The following POLE variants were observed in gnomAD, a reference collection of about 807,000 sequenced individuals.
The protein encoded by POLE is DNA polymerase epsilon catalytic subunit A.
Under a neutral mutation model 279.2 loss-of-function variants are expected in POLE, and 188 were observed. That is an observed-to-expected ratio of 0.67 (90% CI 0.60 to 0.76). The LOEUF (loss-of-function observed/expected upper bound fraction) is 0.76, where lower values mean the gene tolerates loss of function less well. Among genes scored for constraint, POLE ranks in the 30% least tolerant of loss-of-function variants. The pLI is 0.00. For synonymous variants in POLE, 1,214 were observed against 1,172.5 expected, an observed-to-expected ratio of 1.04 and a Z score of -0.72; for missense variants, 2,703 against 3,016.7, an observed-to-expected ratio of 0.90 and a Z score of 2.44.
Position 132,661,781 on chromosome 12 carries a change from C to T in POLE, c.2707-97G>A, listed in dbSNP as rs763975465. 42 of 1,256,506 alleles carry T rather than the reference C, an allele frequency of 3.3e-5. No individual in the cohort carries two copies. The highest frequency in any genetic ancestry group is 4.4e-5 in the Non-Finnish European group (40 of 899,704). The allele number at this position is 1,256,506 out of a possible 1,614,324, so 77.8% of individuals were successfully genotyped here. A position where few individuals can be genotyped will look rare whatever the true frequency, so the allele number is the denominator to read the frequency against. On this transcript the variant is annotated intron_variant, in intron 23 of 48. Coordinates refer to ENST00000320574, the MANE Select transcript of POLE (RefSeq NM_006231.4). The surrounding 1 kb of genome is among the most constrained non-coding windows in gnomAD (Gnocchi z 4.1). ...TCCAGGAGTGGATGGATTGACAAAC[C>T]GAGGCTTTTCCACATAACTAACACG...
rs2043060847 is a variant in POLE at position 132,676,653 on chromosome 12, C to G, written c.802G>C (p.Asp268His). The change falls in exon 9 of 49, where the codon GAC becomes CAC. Residue 268 changes from aspartate (D) to histidine (H), a missense_variant and splice_region_variant. By Grantham distance (81) the Asp-to-His change is moderately conservative. Transcript: ENST00000320574. ...TRRDDLVERPDPVVLAFDIET... is the reference protein window; with the variant it reads ...TRRDDLVERPHPVVLAFDIET... The stretch of plus-strand genomic sequence containing the variant: ...ATGTCAAATGCCAAAACCACAGGGT[C>G]CTGTGGGGACAAAATAAGCATAAAG... 2 of 1,602,358 alleles carry G rather than the reference C, an allele frequency of 1.2e-6. No individual in the cohort carries two copies. Among genetic ancestry groups the G allele is most frequent in the Non-Finnish European group, 1.7e-6 (2 of 1,169,432 alleles).
Position 132,642,190 on chromosome 12 carries a change from G to T in POLE, c.5160C>A (p.Gly1720=). The change falls in exon 38 of 49, where the codon GGC becomes GGA. Residue 1720 remains glycine, a synonymous_variant. Coordinates refer to ENST00000320574, the MANE Select transcript of POLE (RefSeq NM_006231.4). Reference sequence around the variant, plus strand: ...CCGCCCACTTACCTGTGGAGTAACAGCCTGAACTGTTGATCTCAACAGTGG... The same window carrying T: ...CCGCCCACTTACCTGTGGAGTAACATCCTGAACTGTTGATCTCAACAGTGG... ...DQATVEINSS[G]CYSTVCVELD... The T allele has an allele frequency of 5.7e-6, 9 of 1,579,720 alleles. No individual in the cohort carries two copies. The highest frequency in any genetic ancestry group is 7.7e-6 in the Non-Finnish European group (9 of 1,163,938).
At chr12:132,686,495 A>T (rs910468032) in intron 1 of POLE, among the ~76,000 whole-genome samples, 1 of 151,768 alleles carries the variant, frequency 6.6e-6, no homozygotes, top group Non-Finnish European at 1.5e-5. Flanking sequence ...AGCACTTTGG[A>T]AGGCCGAGGC....
rs1265838410 is a variant in POLE at position 132,625,710 on chromosome 12, C to G, written c.6592G>C (p.Ala2198Pro). ...SNCQAPYDSS[A>P]IEMTLVEVLQ... ...ACTTCCACCAGCGTCATCTCGATGG[C>G]AGAGGAGTCGTAGGGCGCCTGACAG... Residue 2198 changes from alanine to proline, a missense_variant, in exon 47 of 49, where the codon GCC becomes CCC. Ala to Pro is a conservative substitution (Grantham distance 27, BLOSUM62 -1). Coordinates refer to ENST00000320574, the MANE Select transcript of POLE (RefSeq NM_006231.4). 1 of 1,613,652 alleles carries G rather than the reference C, an allele frequency of 6.2e-7. No individual in the cohort carries two copies. The highest frequency in any genetic ancestry group is 1.3e-5 in the African/African-American group (1 of 75,064).
intron 45 of POLE, among the ~76,000 whole-genome samples, chr12:132,631,341 CTGA>C (rs1382264512): frequency 6.6e-6 from 1 of 152,164 alleles, no homozygotes; most frequent in Non-Finnish European, 1.5e-5. Flanking sequence ...CTGTATCCTG[CTGA>C]TGATGATGCA....
rs746839543 is a variant in POLE, at chr12:132,636,047, G to A, written c.5679-23C>T. Reference sequence around the variant, plus strand: ...ATGCTGCAGAGGAAGCATTGAAGACGCTGCTTCAGTGAAATCGACCTTGTT... The same window carrying A: ...ATGCTGCAGAGGAAGCATTGAAGACACTGCTTCAGTGAAATCGACCTTGTT... On this transcript the variant is annotated intron_variant, in intron 41 of 48. Coordinates refer to ENST00000320574, the MANE Select transcript of POLE (RefSeq NM_006231.4). 12 of 1,602,874 alleles carry A rather than the reference G, an allele frequency of 7.5e-6. No homozygotes were observed. In the Admixed American group the frequency reaches 1.4e-4, roughly 18 times the overall value.
chr12:132,670,169 G>A (rs1314476872), intron 16 of POLE, among the ~76,000 whole-genome samples: 6 of 151,710 alleles, frequency 4.0e-5, no homozygotes, highest in Non-Finnish European at 8.8e-5. Context: ...TCGGGAGTTC[G>A]AGACCAGCCT....
At position 132,648,626 on chromosome 12, in the gene POLE, TAAC is replaced by T. The variant is rs5744910; in HGVS notation, c.4149+300_4149+302del. On this transcript the variant is annotated intron_variant, in intron 32 of 48. Transcript: ENST00000320574. ...TAACTTTACATCCCAATAAAGCTGT[TAAC>T]AACCAAAGAGCCTACGGAGACAGAG... 5,362 of 287,218 alleles carry T rather than the reference TAAC, an allele frequency of 0.019. 84 individuals carry two copies. The highest frequency in any genetic ancestry group is 0.065 in the Middle Eastern group (64 of 986). The allele number at this position is 287,218 out of a possible 1,614,324, so 17.8% of individuals were successfully genotyped here. A position where few individuals can be genotyped will look rare whatever the true frequency, so the allele number is the denominator to read the frequency against.
rs765634213 is a variant in POLE at position 132,663,992 on chromosome 12, C to T, written c.2706+12G>A. On this transcript the variant is annotated intron_variant, in intron 23 of 48. Transcript: ENST00000320574. Reference sequence around the variant, plus strand: ...CCAGCCAGAGCTTCAGGACCAGAGGCCCCAGACTCACCTTGACCATGATGT... The same window carrying T: ...CCAGCCAGAGCTTCAGGACCAGAGGTCCCAGACTCACCTTGACCATGATGT... 6.2e-7 allele frequency: 1 copy of T among 1,613,548 alleles called. No homozygotes were observed. The highest frequency in any genetic ancestry group is 8.5e-7 in the Non-Finnish European group (1 of 1,179,956).
At position 132,623,884 on chromosome 12, in the gene POLE, G is replaced by A. The variant is rs1371141650; in HGVS notation, c.*813C>T. On this transcript the variant is annotated 3_prime_UTR_variant, in exon 49 of 49. Coordinates refer to ENST00000320574, the MANE Select transcript of POLE (RefSeq NM_006231.4). The stretch of plus-strand genomic sequence containing the variant: ...GACACGAGCCTCCTGGGGAGCCTGT[G>A]GGGCCCCCTCCCTCCTGTGAGGCTC... The A allele has an allele frequency of 1.0e-5, 2 of 193,198 alleles. No homozygotes were observed. The highest frequency in any genetic ancestry group is 4.6e-5 in the African/African-American group (2 of 43,036). 12.0% of individuals were successfully genotyped at this position (193,198 alleles called of 1,614,324 possible).
rs1341277835 is a variant in POLE, at chr12:132,681,246, G to A, written c.96C>T (p.Leu32=). ...TCCACTGACTCCGTTCCAGGCGCTT[G>A]AGTGCCGAAACTGAGGAAGTGGCGC... is the stretch of plus-strand genomic sequence containing the variant. ...DDGATSSVSA[L]KRLERSQWTD... Residue 32 remains leucine (L), a synonymous_variant, in exon 2 of 49, where the codon CTC becomes CTT. Coordinates refer to ENST00000320574, the MANE Select transcript of POLE (RefSeq NM_006231.4). 1 of 1,614,222 alleles carries A rather than the reference G, an allele frequency of 6.2e-7. No homozygotes were observed. The highest frequency in any genetic ancestry group is 1.7e-5 in the Admixed American group (1 of 60,032).
At chr12:132,658,833 A>G (rs564200661) in intron 26 of POLE, among the ~76,000 whole-genome samples, 3 of 141,724 alleles carry the variant, frequency 2.1e-5, no homozygotes, top group Non-Finnish European at 4.5e-5. Context: ...TCTGGTGTTC[A>G]TCAACCCCAT....
At chr12:132,682,210 C>T (rs2043180734) in intron 1 of POLE, among the ~76,000 whole-genome samples, 1 of 151,644 alleles carries the variant, frequency 6.6e-6, no homozygotes, top group Admixed American at 6.6e-5. Flanking sequence ...AGGAGAATGG[C>T]GTGAACCCAG....
intron 41 of POLE, among the ~76,000 whole-genome samples, chr12:132,637,705 G>A (rs2042061041): frequency 6.6e-6 from 1 of 152,232 alleles, no homozygotes; most frequent in Admixed American, 6.5e-5. Flanking sequence ...AGGGCACCTT[G>A]AATCTGTGCC....
Position 132,638,031 on chromosome 12 carries a change from C to T in POLE, c.5661G>A (p.Val1887=), listed in dbSNP as rs2138500244. 1 of 1,613,992 alleles carries T rather than the reference C, an allele frequency of 6.2e-7. No homozygotes were observed. Among genetic ancestry groups the T allele is most frequent in the Non-Finnish European group, 8.5e-7 (1 of 1,179,954 alleles). Residue 1887 remains valine (V), a synonymous_variant, in exon 41 of 49, where the codon GTG becomes GTA. Transcript: ENST00000320574. ...AGCCGCACCTGCTGGTGATGTACTC[C>T]ACGTAAGCGATGGCATCTTCCACAC... The part of the protein sequence containing the change: ...KRRVEDAIAY[V]EYITSSIHSK...
intron 5 of POLE, 22 bp downstream of exon 5, chr12:132,679,932 G>A (rs545601320): frequency 6.4e-7 from 1 of 1,553,916 alleles, no homozygotes; most frequent in South Asian, 1.1e-5. Flanking sequence ...ATTTACCCCT[G>A]GAAAGTCTGG....
At chr12:132,670,565 A>T (rs1210513507) in intron 16 of POLE, among the ~76,000 whole-genome samples, 1 of 150,638 alleles carries the variant, frequency 6.6e-6, no homozygotes, top group Non-Finnish European at 1.5e-5. Context: ...ATCTCGGCTC[A>T]CTGCAAGCTC....
intron 32 of POLE, among the ~76,000 whole-genome samples, chr12:132,646,335 T>C (rs2042283181): frequency 6.6e-6 from 1 of 152,052 alleles, no homozygotes; most frequent in Non-Finnish European, 1.5e-5. Context: ...GGGGTGTGGG[T>C]GACACAGGCA....
chr12:132,680,211 G>T lies in POLE; in HGVS notation c.297C>A (p.Pro99=), dbSNP rs962061115. 3 of 1,613,934 alleles carry T rather than the reference G, an allele frequency of 1.9e-6. No homozygotes were observed. In the African/African-American group the frequency reaches 4.0e-5, roughly 22 times the overall value. Residue 99 remains proline, a synonymous_variant, in exon 4 of 49, where the codon CCC becomes CCA. Transcript: ENST00000320574. ...DDGSRFKVAL[P]YKPYFYIATR... The stretch of plus-strand genomic sequence containing the variant: ...TCGCAATGTAGAAATACGGTTTATA[G>T]GGCAAAGCCACCTGTTAAGAGTCAC...
Sources: gnomAD v4.1 joint callset for allele counts (sites outside exome capture counted in the v4.1 genomes callset) on GRCh38, gnomAD v4.1.1 for gene constraint, Gnocchi (gnomAD v3.1) non-coding constraint, MANE v1.5 for transcripts, NCBI Gene and HGNC (gene_info 2026-07-23, HGNC 2026-07-21) for gene names.